KDM3A: variants seen among roughly 807,000 people sequenced by gnomAD.
KDM3A encodes the protein lysine demethylase 3A, also known as lysine-specific demethylase 3A.
KDM3A carries 60 observed loss-of-function variants against 158.0 expected under a neutral mutation model. That is an observed-to-expected ratio of 0.38 (90% CI 0.31 to 0.47). KDM3A has a LOEUF of 0.47. Ranked by LOEUF, KDM3A falls within the 20% of genes least tolerant of loss-of-function variation. KDM3A has a pLI of 0.99. For missense variants in KDM3A, 1,319 were observed against 1,574.3 expected (o/e 0.84, Z 2.74); for synonymous variants, 608 against 549.3 (o/e 1.11, Z -1.49).
chr2:86,437,336 C>G (rs1682508869), upstream of KDM3A, among the ~76,000 whole-genome samples: 1 of 151,994 alleles, frequency 6.6e-6, no homozygotes, highest in Non-Finnish European at 1.5e-5. Context: ...GCGATGAGGT[C>G]TCACCATGTT....
At chr2:86,452,335 T>C (rs780332790) in intron 4 of KDM3A, among the ~76,000 whole-genome samples, 15 of 152,114 alleles carry the variant, frequency 9.9e-5, no homozygotes, top group Non-Finnish European at 1.9e-4. Flanking sequence ...TGGCTGTGAA[T>C]TCAAGGTTAG....
At chr2:86,481,792 T>A (rs1673941379) in intron 16 of KDM3A, 138 bp from the exon 17 acceptor site, 2 of 638,398 alleles carry the variant, frequency 3.1e-6, no homozygotes, top group Admixed American at 5.9e-5. Flanking sequence ...ATCATATCAT[T>A]CATACTTACT....
rs1360890362 is a variant in KDM3A, at chr2:86,478,160, T to A, written c.2093-10T>A. On this transcript the variant is annotated splice_polypyrimidine_tract_variant and intron_variant, in intron 13 of 25. Transcript: ENST00000312912. ...GTAAAGAACAGTTACTACAAATCAG[T>A]TATTTGCAGGTGCTGCTTACAAGAC... 13 of 1,612,972 alleles carry A rather than the reference T, an allele frequency of 8.1e-6. No homozygotes were observed. The highest frequency in any genetic ancestry group is 1.1e-5 in the Non-Finnish European group (13 of 1,179,140).
At position 86,466,722 on chromosome 2, in the gene KDM3A, C is replaced by T. The variant is rs1448323325; in HGVS notation, c.1358C>T (p.Pro453Leu). 1 of 1,613,880 alleles carries T rather than the reference C, an allele frequency of 6.2e-7. No individual in the cohort carries two copies. Among genetic ancestry groups the T allele is most frequent in the Non-Finnish European group, 8.5e-7 (1 of 1,179,868 alleles). Residue 453 changes from proline (P) to leucine (L), a missense_variant, in exon 10 of 26, where the codon CCA becomes CTA. Transcript: ENST00000312912. Reference protein sequence around the residue: ...APSPSDVSNAPEVKAGVNSDS... With the variant: ...APSPSDVSNALEVKAGVNSDS... ...TCCCCATCGGATGTTTCAAATGCAC[C>T]AGAAGTGAAAGCAGGTGTCAATAGT...
intron 9 of KDM3A, among the ~76,000 whole-genome samples, chr2:86,464,830 C>T (rs972840307): frequency 2.0e-5 from 3 of 152,164 alleles, no homozygotes; most frequent in Non-Finnish European, 2.9e-5. Flanking sequence ...CGTAGGCAGG[C>T]AGTTGATACA....
At chr2:86,474,746 T>TGTG (rs1220372070) in intron 11 of KDM3A, 30 bp from the exon 12 acceptor site, 5 of 1,021,460 alleles carry the variant, frequency 4.9e-6, no homozygotes, top group African/African-American at 4.9e-5. Context: ...TGTGTGTACA[T>TGTG]TACATCTTTT....
chr2:86,483,942 A>C, intron 18 of KDM3A, 45 bp from the exon 19 acceptor site: 4 of 1,515,180 alleles, frequency 2.6e-6, no homozygotes, highest in Non-Finnish European at 3.6e-6. Flanking sequence ...GAGTGGGGAC[A>C]GAGCTGGCAG....
At chr2:86,471,522 C>T in intron 11 of KDM3A, among the ~76,000 whole-genome samples, 1 of 152,064 alleles carries the variant, frequency 6.6e-6, no homozygotes, top group East Asian at 1.9e-4. Flanking sequence ...AATTCACTTT[C>T]TCAGAAATCT....
chr2:86,464,166 T>C lies in KDM3A; in HGVS notation c.957T>C (p.Thr319=). ...GTAAGGACCCAAGACAGCAAAGTAC[T>C]CCCCAGGCTGCCAACTCTCCACCTA... ...PPSKDPRQQS[T]PQAANSPPNL... is the part of the protein sequence containing the mutation. Residue 319 remains threonine (T), a synonymous_variant, in exon 9 of 26, where the codon ACT becomes ACC. Coordinates refer to ENST00000312912, the MANE Select transcript of KDM3A (RefSeq NM_018433.6). The C allele has an allele frequency of 2.5e-6, 4 of 1,611,552 alleles. No homozygotes were observed. The highest frequency in any genetic ancestry group is 3.4e-6 in the Non-Finnish European group (4 of 1,178,424).
intron 2 of KDM3A, among the ~76,000 whole-genome samples, chr2:86,445,107 A>G (rs923723417): frequency 2.6e-5 from 4 of 152,248 alleles, no homozygotes; most frequent in African/African-American, 9.6e-5. Flanking sequence ...GACCTTAAAC[A>G]CTAGGCTTTA....
chr2:86,473,766 T>G (rs1191379521), intron 11 of KDM3A, among the ~76,000 whole-genome samples: 1 of 151,956 alleles, frequency 6.6e-6, no homozygotes, highest in Non-Finnish European at 1.5e-5. Context: ...AAAAGAAAAA[T>G]TTTGTGTTTC....
chr2:86,456,834 A>G lies in KDM3A; in HGVS notation c.711A>G (p.Ser237=), dbSNP rs762776670. The change falls in exon 7 of 26, where the codon TCA becomes TCG. Residue 237 remains serine (S), a synonymous_variant. Coordinates refer to ENST00000312912, the MANE Select transcript of KDM3A (RefSeq NM_018433.6). ...EIPALKIVDP[S]LIHVEVVHDN... Reference sequence around the variant, plus strand: ...CAGCACTGAAAATTGTTGATCCGTCACTGATTCATGTTGAAGTTGTACACG... The same window carrying G: ...CAGCACTGAAAATTGTTGATCCGTCGCTGATTCATGTTGAAGTTGTACACG... 1 of 1,612,596 alleles carries G rather than the reference A, an allele frequency of 6.2e-7. No individual in the cohort carries two copies. Among genetic ancestry groups the G allele is most frequent in the East Asian group, 2.2e-5 (1 of 44,794 alleles).
intron 11 of KDM3A, 53 bp from the exon 12 acceptor site, chr2:86,474,723 G>GTGTA (rs1673581361): frequency 1.3e-5 from 10 of 790,564 alleles, no homozygotes; most frequent in Admixed American, 3.5e-5. Context: ...GTGTGTGTGT[G>GTGTA]TGTGTGTGTG....
At position 86,480,160 on chromosome 2, in the gene KDM3A, A is replaced by C. The variant is rs1373088892; in HGVS notation, c.2317-7A>C. On this transcript the variant is annotated splice_region_variant and splice_polypyrimidine_tract_variant and intron_variant, in intron 15 of 25. Coordinates refer to ENST00000312912, the MANE Select transcript of KDM3A (RefSeq NM_018433.6). ...TATGTAAAATCGTCCTTTAATGCTT[A>C]ACACAGACTTCTTTAGCTGGAGAAA... 1.9e-6 allele frequency: 3 copies of C among 1,610,354 alleles called. No individual in the cohort carries two copies. The highest frequency in any genetic ancestry group is 2.5e-6 in the Non-Finnish European group (3 of 1,178,218).
At position 86,447,146 on chromosome 2, in the gene KDM3A, A is replaced by G. The variant is rs150925989; in HGVS notation, c.187-2661A>G. ...GGTTTTGATAGGAAACTTTTGAACA[A>G]TATTGAAGAAAGCTCACAACTTGTT... On this transcript the variant is annotated intron_variant, in intron 2 of 25. Transcript: ENST00000312912. Among the ~76,000 whole-genome samples, 88 of 152,382 alleles carry G rather than the reference A, an allele frequency of 5.8e-4. 1 individual carries two copies. The East Asian group carries it at 0.011, about 18-fold the overall frequency.
At chr2:86,459,424 G>A (rs931997192) in intron 8 of KDM3A, among the ~76,000 whole-genome samples, 1 of 152,176 alleles carries the variant, frequency 6.6e-6, no homozygotes, top group Non-Finnish European at 1.5e-5. Context: ...GGAGAAGTTG[G>A]TTGTGTGTTG....
chr2:86,445,565 A>C (rs1682924564), intron 2 of KDM3A, among the ~76,000 whole-genome samples: 1 of 152,134 alleles, frequency 6.6e-6, no homozygotes, highest in Non-Finnish European at 1.5e-5. Flanking sequence ...TCTTGCGTCT[A>C]ATGCCCCTTC....
chr2:86,456,996 A>G lies in KDM3A; in HGVS notation c.768A>G (p.Arg256=). The change falls in exon 8 of 26, where the codon AGA becomes AGG. Residue 256 remains arginine, a synonymous_variant. Transcript: ENST00000312912. The stretch of plus-strand genomic sequence containing the variant: ...TAAATATTTTAGGTAATTCTGCAAG[A>G]ATTGGAGCTGTAAAACGCAAGTCTT... ...DNLVTCGNSA[R]IGAVKRKSSE... 1 of 1,601,858 alleles carries G rather than the reference A, an allele frequency of 6.2e-7. No individual in the cohort carries two copies.
rs766578380 is a variant in KDM3A, at chr2:86,466,803, G to T, written c.1439G>T (p.Arg480Leu). Residue 480 changes from arginine to leucine, a missense_variant, in exon 10 of 26, where the codon CGA becomes CTA. By Grantham distance (102) the Arg-to-Leu change is moderately radical. This residue lies in a region of KDM3A where 652 missense variants were observed against 627.2 expected (regional missense o/e 1.04). Coordinates refer to ENST00000312912, the MANE Select transcript of KDM3A (RefSeq NM_018433.6). ...GTAGAACCTTCAGCTTTAGCTTGCCGATCACAGAATTTAAAGGAATCTTCA... is the reference window on the plus strand; with the variant it reads ...GTAGAACCTTCAGCTTTAGCTTGCCTATCACAGAATTTAAAGGAATCTTCA... ...KKVEPSALAC[R>L]SQNLKESSVK... 7 of 1,613,074 alleles carry T rather than the reference G, an allele frequency of 4.3e-6. No homozygotes were observed. Among genetic ancestry groups the T allele is most frequent in the East Asian group, 2.2e-5 (1 of 44,884 alleles).
Sources: gnomAD v4.1 joint callset for allele counts (sites outside exome capture counted in the v4.1 genomes callset) on GRCh38, gnomAD v4.1.1 for gene constraint, gnomAD v4.1.1 regional missense constraint, MANE v1.5 for transcripts, NCBI Gene and HGNC (gene_info 2026-07-23, HGNC 2026-07-21) for gene names.